Variants in PSAT1 observed in about 807,000 individuals in gnomAD.
PSAT1 encodes phosphoserine aminotransferase.
PSAT1 carries 41 observed loss-of-function variants against 40.3 expected under a neutral mutation model. The ratio of observed to expected loss-of-function variants is 1.02; its 90% confidence interval spans 0.79 to 1.32. The LOEUF (loss-of-function observed/expected upper bound fraction) is 1.32, where lower values mean the gene tolerates loss of function less well. Ranked by LOEUF, PSAT1 falls within the 40% of genes most tolerant of loss-of-function variation. The pLI is 0.00. For missense variants in PSAT1, 406 were observed against 455.8 expected, an observed-to-expected ratio of 0.89 and a Z score of 0.99; for synonymous variants, 147 against 170.5, an observed-to-expected ratio of 0.86 and a Z score of 1.07.
chr9:78,297,958 C>T (rs1385104588), intron 1 of PSAT1, among the ~76,000 whole-genome samples: 3 of 151,956 alleles, frequency 2.0e-5, no homozygotes, highest in Admixed American at 6.6e-5. Flanking sequence ...AAGCCTTTCT[C>T]CCCACCCCCC....
intron 7 of PSAT1, among the ~76,000 whole-genome samples, chr9:78,325,457 A>G (rs1157406819): frequency 6.6e-6 from 1 of 152,216 alleles, no homozygotes; most frequent in African/African-American, 2.4e-5. Context: ...CCCAGCCAGG[A>G]AGCCAGTGCT....
rs1554685756 is a variant in PSAT1 at position 78,300,646 on chromosome 9, T to C, written c.105T>C (p.Val35=). 4 of 1,608,416 alleles carry C rather than the reference T, an allele frequency of 2.5e-6. No individual in the cohort carries two copies. The highest frequency in any genetic ancestry group is 2.5e-6 in the Non-Finnish European group (3 of 1,178,510). The change falls in exon 2 of 9, where the codon GTT becomes GTC. Residue 35 remains valine, a synonymous_variant. Transcript: ENST00000376588. ...IQKELLDYKG[V]GISVLEMSHR... ...AGGAATTATTAGACTACAAAGGAGT[T>C]GGCATTAGTGTTCTTGGTAAGATTT...
chr9:78,300,175 C>T (rs975528744), intron 1 of PSAT1, among the ~76,000 whole-genome samples: 6 of 152,174 alleles, frequency 3.9e-5, no homozygotes, highest in African/African-American at 1.4e-4. Context: ...GCCCACCCCA[C>T]GCTTCCCAGT....
At chr9:78,312,699 A>T (rs541362449) in intron 6 of PSAT1, among the ~76,000 whole-genome samples, 123 of 152,148 alleles carry the variant, frequency 8.1e-4, no homozygotes, top group Non-Finnish European at 1.1e-3. Flanking sequence ...TCCATCTCAA[A>T]AATAATAATA....
rs1057515672 is a variant in PSAT1, at chr9:78,328,201, G to A, written c.1007+13G>A. The A allele has an allele frequency of 3.7e-6, 6 of 1,613,842 alleles. No homozygotes were observed. The highest frequency in any genetic ancestry group is 5.1e-6 in the Non-Finnish European group (6 of 1,179,984). ...TGAAAGGGCATAGGTGAGTACATCT[G>A]CAATGCACGAGCTTGGCAAAGAATT... On this transcript the variant is annotated intron_variant, in intron 8 of 8. Transcript: ENST00000376588.
chr9:78,312,883 G>A (rs1229158465), intron 6 of PSAT1, among the ~76,000 whole-genome samples: 3 of 152,120 alleles, frequency 2.0e-5, no homozygotes, highest in Non-Finnish European at 4.4e-5. Flanking sequence ...TGGGAAAAGT[G>A]CTCAACTCAG....
chr9:78,306,338 A>G lies in PSAT1; in HGVS notation c.422A>G (p.Asn141Ser). The change falls in exon 5 of 9, where the codon AAC becomes AGC. Residue 141 changes from asparagine to serine, a missense_variant. By Grantham distance (46) the Asn-to-Ser change is conservative. Coordinates refer to ENST00000376588, the MANE Select transcript of PSAT1 (RefSeq NM_058179.4). ...YTKIPDPSTW[N>S]LNPDASYVYY... ...GAAATTCCAGATCCAAGCACCTGGA[A>G]CCTCAACCCAGATGCCTCCTACGTG... is the stretch of plus-strand genomic sequence containing the variant. 1 of 1,612,310 alleles carries G rather than the reference A, an allele frequency of 6.2e-7. No individual in the cohort carries two copies. The highest frequency in any genetic ancestry group is 8.5e-7 in the Non-Finnish European group (1 of 1,179,920).
chr9:78,298,533 A>G (rs999738533), intron 1 of PSAT1: 5 of 722,104 alleles, frequency 6.9e-6, no homozygotes, highest in African/African-American at 1.9e-5. Context: ...TCCCTGCTCC[A>G]GCTGTGGAGA....
intron 1 of PSAT1, among the ~76,000 whole-genome samples, chr9:78,298,567 A>T (rs908925155): frequency 6.6e-6 from 1 of 151,620 alleles, no homozygotes; most frequent in Admixed American, 6.6e-5. Context: ...CTCCTCCTGC[A>T]CCCCCCATGT....
chr9:78,311,851 A>ACAAAAG (rs1828273209), intron 6 of PSAT1, among the ~76,000 whole-genome samples: 1 of 151,758 alleles, frequency 6.6e-6, no homozygotes, highest in Non-Finnish European at 1.5e-5. Context: ...AAAAACAAAA[A>ACAAAAG]CAAAAACAAA....
At chr9:78,321,963 CTT>C (rs1360363564) in intron 7 of PSAT1, among the ~76,000 whole-genome samples, 1 of 152,018 alleles carries the variant, frequency 6.6e-6, no homozygotes, top group African/African-American at 2.4e-5. Context: ...ATTGAGGACT[CTT>C]GTGCTGGTTA....
intron 6 of PSAT1, among the ~76,000 whole-genome samples, chr9:78,312,588 C>T (rs10867181): frequency 0.29 from 44,518 of 151,928 alleles, 6,702 homozygotes; most frequent in East Asian, 0.45. Context: ...CCAAGCTACT[C>T]GGGAGGCTGA....
rs560318213 is a variant in PSAT1, at chr9:78,323,265, A to G, written c.870-4786A>G. ...AGCAAGTGTAGGAAAAGACAAATCT[A>G]TTAGTCTTTAAAAACTACAACAAGG... On this transcript the variant is annotated intron_variant, in intron 7 of 8. Coordinates refer to ENST00000376588, the MANE Select transcript of PSAT1 (RefSeq NM_058179.4). Among the ~76,000 whole-genome samples, 7 of 152,340 alleles carry G rather than the reference A, an allele frequency of 4.6e-5. No individual in the cohort carries two copies. The South Asian group carries it at 1.2e-3, about 27-fold the overall frequency.
chr9:78,301,128 T>G (rs1163922418), intron 2 of PSAT1, among the ~76,000 whole-genome samples: 1 of 152,116 alleles, frequency 6.6e-6, no homozygotes, highest in Non-Finnish European at 1.5e-5. Context: ...TTTTAAACTT[T>G]AATAGCTTGG....
At chr9:78,317,596 C>T (rs754063877) in intron 6 of PSAT1, 80 bp from the exon 7 acceptor site, 50 of 1,494,828 alleles carry the variant, frequency 3.3e-5, no homozygotes, top group South Asian at 1.5e-4. Context: ...TTTAATGCAC[C>T]TTCAACAGCA....
At chr9:78,312,182 A>T (rs1828278448) in intron 6 of PSAT1, among the ~76,000 whole-genome samples, 1 of 152,110 alleles carries the variant, frequency 6.6e-6, no homozygotes, top group South Asian at 2.1e-4. Flanking sequence ...AATAAAGAAC[A>T]CACTGCTGTT....
intron 7 of PSAT1, among the ~76,000 whole-genome samples, chr9:78,324,794 C>T (rs906243064): frequency 2.0e-5 from 3 of 152,022 alleles, no homozygotes; most frequent in African/African-American, 4.8e-5. Flanking sequence ...TAGTCCTCCA[C>T]GTTTAAAATG....
chr9:78,297,564 C>G (rs903632103), intron 1 of PSAT1, among the ~76,000 whole-genome samples: 2 of 152,244 alleles, frequency 1.3e-5, no homozygotes, highest in Non-Finnish European at 2.9e-5. Flanking sequence ...GCCGGTGCCA[C>G]GCACCTGCAG....
chr9:78,310,380 G>C (rs1247464360), intron 6 of PSAT1, among the ~76,000 whole-genome samples: 1 of 152,012 alleles, frequency 6.6e-6, no homozygotes, highest in African/African-American at 2.4e-5. Flanking sequence ...GTGTGGATTT[G>C]CGTGTGTTTG....
Sources: allele counts gnomAD v4.1 joint callset (sites outside exome capture counted in the v4.1 genomes callset), GRCh38; gene constraint gnomAD v4.1.1; transcripts MANE v1.5; gene names NCBI Gene and HGNC (gene_info 2026-07-23, HGNC 2026-07-21).